The following NEMP2 variants were observed in gnomAD, a reference collection of about 807,000 sequenced individuals.
NEMP2 encodes nuclear envelope integral membrane protein 2.
Under a neutral mutation model 54.2 loss-of-function variants are expected in NEMP2, and 53 were observed. The ratio of observed to expected loss-of-function variants is 0.98; its 90% confidence interval spans 0.78 to 1.23. The LOEUF (loss-of-function observed/expected upper bound fraction) is 1.23, where lower values mean the gene tolerates loss of function less well. Ranked by LOEUF, NEMP2 falls within the 50% of genes most tolerant of loss-of-function variation. The pLI is 0.00. For synonymous variants in NEMP2, 197 were observed against 190.3 expected, an observed-to-expected ratio of 1.04 and a Z score of -0.29; for missense variants, 455 against 511.3, an observed-to-expected ratio of 0.89 and a Z score of 1.06.
At chr2:190,476,970 C>T in the NEMP2 span, among the ~76,000 whole-genome samples, 2 of 146,980 alleles carry the variant, frequency 1.4e-5, no homozygotes, top group Non-Finnish European at 3.0e-5. Flanking sequence ...AACCAAACAC[C>T]GCATGTTCTC....
At chr2:190,500,287 C>A, downstream of NEMP2, 1 of 1,553,214 alleles carries the variant, frequency 6.4e-7, no homozygotes, top group East Asian at 2.3e-5. The surrounding 1 kb of genome is among the most constrained non-coding windows in gnomAD (Gnocchi z 5.3). Context: ...GTGAGGCCCC[C>A]CAGCCAGGAT....
chr2:190,565,899 C>T, the NEMP2 span, among the ~76,000 whole-genome samples: 2 of 152,320 alleles, frequency 1.3e-5, no homozygotes, highest in South Asian at 4.1e-4. Context: ...AGACTTCCAG[C>T]CACCAGAACT....
chr2:190,441,276 T>C, the NEMP2 span, among the ~76,000 whole-genome samples: 1 of 152,080 alleles, frequency 6.6e-6, no homozygotes, highest in Non-Finnish European at 1.5e-5. Context: ...GCTAATGTAT[T>C]GGTTCTCAAC....
At chr2:190,556,921 A>G in the NEMP2 span, among the ~76,000 whole-genome samples, 14 of 152,342 alleles carry the variant, frequency 9.2e-5, no homozygotes, top group East Asian at 2.3e-3. Flanking sequence ...TATAGATTCA[A>G]TGCTATCCCC....
rs1690785894 is a variant in NEMP2 at position 190,522,491 on chromosome 2, A to C, written c.213+2772T>G. Among the ~76,000 whole-genome samples, 1 of 151,956 alleles carries C rather than the reference A, an allele frequency of 6.6e-6. No individual in the cohort carries two copies. The highest frequency in any genetic ancestry group is 1.5e-5 in the Non-Finnish European group (1 of 67,978). On this transcript the variant is annotated intron_variant, in intron 2 of 8. Transcript: ENST00000409150. The surrounding 1 kb of genome is among the most constrained non-coding windows in gnomAD (Gnocchi z 5.0). Reference sequence around the variant, plus strand: ...TGTAAACCAAAAATAAAATTCTAACACCCCCGACCCCGCCAACTATCTGAA... The same window carrying C: ...TGTAAACCAAAAATAAAATTCTAACCCCCCCGACCCCGCCAACTATCTGAA...
At chr2:190,497,391 T>C in the NEMP2 span, 1 of 1,582,964 alleles carries the variant, frequency 6.3e-7, no homozygotes, top group Non-Finnish European at 8.6e-7. This position sits in a 1 kb window ranked among gnomAD's most constrained non-coding sequence, Gnocchi z 5.2. Context: ...TTTGTTCAAA[T>C]ATGTAGAAAA....
the NEMP2 span, among the ~76,000 whole-genome samples, chr2:190,603,715 C>T: frequency 6.6e-6 from 1 of 151,440 alleles, no homozygotes; most frequent in Admixed American, 6.6e-5. Flanking sequence ...AGAACAAAGT[C>T]AACAACAATT....
the NEMP2 span, chr2:190,611,003 T>A: frequency 2.6e-5 from 4 of 152,196 alleles, no homozygotes; most frequent in Admixed American, 2.6e-4. This position sits in a 1 kb window ranked among gnomAD's most constrained non-coding sequence, Gnocchi z 5.4. Flanking sequence ...AAACCTGCAT[T>A]CAAGAGCACC....
the NEMP2 span, among the ~76,000 whole-genome samples, chr2:190,637,315 T>C: frequency 1.3e-5 from 2 of 152,164 alleles, no homozygotes; most frequent in African/African-American, 4.8e-5. This position sits in a 1 kb window ranked among gnomAD's most constrained non-coding sequence, Gnocchi z 4.5. Flanking sequence ...ATCATTTCTC[T>C]CTTCTCTTAG....
At chr2:190,608,948 G>C in the NEMP2 span, 1 of 152,120 alleles carries the variant, frequency 6.6e-6, no homozygotes, top group African/African-American at 2.4e-5. This position sits in a 1 kb window ranked among gnomAD's most constrained non-coding sequence, Gnocchi z 4.9. Flanking sequence ...TGCAGCTTTA[G>C]GCTCCACTGA....
the NEMP2 span, among the ~76,000 whole-genome samples, chr2:190,548,324 A>G: frequency 1.3e-5 from 2 of 152,210 alleles, no homozygotes; most frequent in Admixed American, 6.5e-5. Flanking sequence ...TAATTAAAGC[A>G]AGGTTAGAAT....
the NEMP2 span, among the ~76,000 whole-genome samples, chr2:190,645,003 C>T: frequency 2.0e-5 from 3 of 152,130 alleles, no homozygotes; most frequent in African/African-American, 4.8e-5. Context: ...CTCTACAACA[C>T]GGATTAAAAT....
the NEMP2 span, among the ~76,000 whole-genome samples, chr2:190,639,182 T>A: frequency 2.6e-5 from 4 of 152,188 alleles, no homozygotes; most frequent in South Asian, 8.3e-4. Context: ...ATTCAATTTT[T>A]TTTGTAGCTA....
the NEMP2 span, chr2:190,626,755 A>G: frequency 6.6e-6 from 1 of 152,220 alleles, no homozygotes; most frequent in African/African-American, 2.4e-5. The surrounding 1 kb of genome is among the most constrained non-coding windows in gnomAD (Gnocchi z 4.5). Flanking sequence ...TCTTGGACTG[A>G]TGAGCTCTCG....
the NEMP2 span, among the ~76,000 whole-genome samples, chr2:190,567,471 T>C: frequency 6.6e-6 from 1 of 151,910 alleles, no homozygotes; most frequent in Non-Finnish European, 1.5e-5. This position sits in a 1 kb window ranked among gnomAD's most constrained non-coding sequence, Gnocchi z 4.0. Context: ...GGCACATCAT[T>C]GAGATGTGTC....
At chr2:190,638,533 A>G in the NEMP2 span, among the ~76,000 whole-genome samples, 2 of 152,134 alleles carry the variant, frequency 1.3e-5, no homozygotes, top group Non-Finnish European at 2.9e-5. This position sits in a 1 kb window ranked among gnomAD's most constrained non-coding sequence, Gnocchi z 5.7. Flanking sequence ...CTGCTGGGCA[A>G]ACTGAGAGGG....
At chr2:190,490,176 G>A in the NEMP2 span, among the ~76,000 whole-genome samples, 16 of 151,764 alleles carry the variant, frequency 1.1e-4, no homozygotes, top group African/African-American at 3.4e-4. The surrounding 1 kb of genome is among the most constrained non-coding windows in gnomAD (Gnocchi z 4.5). Flanking sequence ...TCAAATTTAA[G>A]TCAAATACAT....
In NEMP2 at chr2:190,533,783, AAAG is replaced by A. The variant is rs1691247487; in HGVS notation, c.97+773_97+775del. The stretch of plus-strand genomic sequence containing the variant: ...AAAGATTTTATGAGGGGAAAAAAAA[AAAG>A]AAACAGAAATGTGAAGCTCATGGTA... On this transcript the variant is annotated intron_variant, in intron 1 of 8. Transcript: ENST00000409150. This position sits in a 1 kb window ranked among gnomAD's most constrained non-coding sequence, Gnocchi z 4.3. Among the ~76,000 whole-genome samples the A allele has an allele frequency of 6.6e-6, 1 of 151,866 alleles. No individual in the cohort carries two copies. The highest frequency in any genetic ancestry group is 2.4e-5 in the African/African-American group (1 of 41,338).
the NEMP2 span, among the ~76,000 whole-genome samples, chr2:190,484,486 T>C: frequency 6.6e-6 from 1 of 152,222 alleles, no homozygotes; most frequent in Non-Finnish European, 1.5e-5. Context: ...GGTAGCACAA[T>C]TCCTAAGACT....
Sources: allele counts gnomAD v4.1 joint callset (sites outside exome capture counted in the v4.1 genomes callset), GRCh38; gene constraint gnomAD v4.1.1; non-coding constraint Gnocchi (gnomAD v3.1); transcripts MANE v1.5; gene names NCBI Gene and HGNC (gene_info 2026-07-23, HGNC 2026-07-21).